The following MCPH1 variants were observed in gnomAD, a reference collection of about 807,000 sequenced individuals.
MCPH1 encodes microcephalin.
A neutral mutation model predicts 84.5 loss-of-function variants in MCPH1; 104 were observed. The observed-to-expected ratio is 1.23, with a 90% confidence interval of 1.05 to 1.45. The LOEUF (loss-of-function observed/expected upper bound fraction) is 1.45. MCPH1 is among the 40% of genes most tolerant of loss of function. The pLI is 0.00. For missense variants in MCPH1, 1,498 were observed against 1,005.7 expected (o/e 1.49, Z -6.62); for synonymous variants, 514 against 366.8 (o/e 1.40, Z -4.58).
rs185735197 is a variant in MCPH1, at chr8:6,604,879, C to T, written c.2215-16575C>T. Reference sequence around the variant, plus strand: ...GTACAATAGAAGCTTTTGAAATTAGCTGGGGGGAAATTGAGTCTCTAAGTA... The same window carrying T: ...GTACAATAGAAGCTTTTGAAATTAGTTGGGGGGAAATTGAGTCTCTAAGTA... On this transcript the variant is annotated intron_variant, in intron 12 of 13. Coordinates refer to ENST00000344683, the MANE Select transcript of MCPH1 (RefSeq NM_024596.5). 2.6e-5 allele frequency among the ~76,000 whole-genome samples: 4 copies of T among 152,306 alleles called. No homozygotes were observed. In the East Asian group the frequency reaches 5.8e-4, roughly 22 times the overall value.
rs36014578 is a variant in MCPH1 at position 6,643,767 on chromosome 8, CTT to C, written c.*719_*720del. On this transcript the variant is annotated 3_prime_UTR_variant, in exon 14 of 14. Coordinates refer to ENST00000344683, the MANE Select transcript of MCPH1 (RefSeq NM_024596.5). ...ACTTTTATCTAGCGGAGATTCCTCTCTTAAAGTAATGAAAGGAGATAGGTATG... is the reference window on the plus strand; with the variant it reads ...ACTTTTATCTAGCGGAGATTCCTCTCAAAGTAATGAAAGGAGATAGGTATG... The C allele has an allele frequency of 0.16, 24,263 of 152,638 alleles. 2,182 individuals carry two copies. Among genetic ancestry groups the C allele is most frequent in the South Asian group, 0.21 (1,031 of 4,838 alleles). 9.5% of individuals were successfully genotyped at this position (152,638 alleles called of 1,614,324 possible).
intron 12 of MCPH1, among the ~76,000 whole-genome samples, chr8:6,619,858 A>T (rs1831228427): frequency 6.6e-6 from 1 of 152,234 alleles, no homozygotes; most frequent in African/African-American, 2.4e-5. Context: ...TGCTGGGATT[A>T]CAGGTGTGAG....
intron 9 of MCPH1, among the ~76,000 whole-genome samples, chr8:6,456,482 G>T (rs1352005415): frequency 6.6e-6 from 1 of 152,196 alleles, no homozygotes; most frequent in Non-Finnish European, 1.5e-5. Context: ...TAAAGAACCA[G>T]TTTCCTTTGC....
In MCPH1 at chr8:6,480,745, A is replaced by G; in HGVS notation, c.2005A>G (p.Lys669Glu). 1 of 1,614,190 alleles carries G rather than the reference A, an allele frequency of 6.2e-7. No homozygotes were observed. The highest frequency in any genetic ancestry group is 8.5e-7 in the Non-Finnish European group (1 of 1,180,036). Residue 669 changes from lysine to glutamate, a missense_variant, in exon 11 of 14, where the codon AAA becomes GAA. Lys to Glu is a moderately conservative substitution (Grantham distance 56). Coordinates refer to ENST00000344683, the MANE Select transcript of MCPH1 (RefSeq NM_024596.5). The stretch of plus-strand genomic sequence containing the variant: ...GAATGTCGTCATCCAGGTTGTGGAT[A>G]AATTGAAAGGCTTTTCAATTGCACC... ...KQNVVIQVVD[K>E]LKGFSIAPDV...
chr8:6,455,359 C>T lies in MCPH1; in HGVS notation c.1935+107C>T, dbSNP rs2515575. The T allele has an allele frequency of 0.98, 811,523 of 824,858 alleles. 400,150 individuals carry two copies. The highest frequency in any genetic ancestry group is 1 in the Non-Finnish European group (498,304 of 498,542). The allele number at this position is 824,858 out of a possible 1,614,324, so 51.1% of individuals were successfully genotyped here. A position where few individuals can be genotyped will look rare whatever the true frequency, so the allele number is the denominator to read the frequency against. On this transcript the variant is annotated intron_variant, in intron 9 of 13. Transcript: ENST00000344683. Reference sequence around the variant, plus strand: ...CAGTCTATCTGACTTGTCTTTTATTCTAAAAAATTGATTATGGGTAAATGC... The same window carrying T: ...CAGTCTATCTGACTTGTCTTTTATTTTAAAAAATTGATTATGGGTAAATGC...
intron 11 of MCPH1, among the ~76,000 whole-genome samples, chr8:6,483,126 G>A (rs905626015): frequency 3.3e-5 from 5 of 152,164 alleles, no homozygotes; most frequent in African/African-American, 1.2e-4. Flanking sequence ...AATAAAATAA[G>A]TGCAGGATCT....
At chr8:6,612,380 G>C (rs964556638) in intron 12 of MCPH1, among the ~76,000 whole-genome samples, 2 of 152,232 alleles carry the variant, frequency 1.3e-5, no homozygotes, top group South Asian at 2.1e-4. Flanking sequence ...GCCCCAGCTG[G>C]AGAGTTGTTC....
chr8:6,433,020 T>C (rs1021048175), intron 4 of MCPH1, among the ~76,000 whole-genome samples: 14 of 152,324 alleles, frequency 9.2e-5, no homozygotes, highest in South Asian at 2.1e-4. Context: ...CACTCACACA[T>C]GCATGCTTGA....
chr8:6,633,538 C>A (rs1797316236), intron 13 of MCPH1, among the ~76,000 whole-genome samples: 1 of 152,118 alleles, frequency 6.6e-6, no homozygotes, highest in African/African-American at 2.4e-5. Context: ...TGGAAAATTC[C>A]ACACCTGACC....
intron 12 of MCPH1, chr8:6,527,663 G>A (rs748520064): frequency 1.9e-6 from 3 of 1,613,574 alleles, no homozygotes; most frequent in African/African-American, 1.3e-5. Context: ...AAGTCTCGTG[G>A]TCTGATTTAA....
At position 6,644,028 on chromosome 8, in the gene MCPH1, A is replaced by T. The variant is rs1157922389; in HGVS notation, c.*979A>T. On this transcript the variant is annotated 3_prime_UTR_variant, in exon 14 of 14. Transcript: ENST00000344683. ...CCCTTTGGGAGGCTGAGGTGGACAGATCACTTGAGGTCAGGAGTTCGAGAC... is the reference window on the plus strand; with the variant it reads ...CCCTTTGGGAGGCTGAGGTGGACAGTTCACTTGAGGTCAGGAGTTCGAGAC... 1.3e-5 allele frequency: 2 copies of T among 152,290 alleles called. No homozygotes were observed. The highest frequency in any genetic ancestry group is 2.9e-5 in the Non-Finnish European group (2 of 68,102). 9.4% of individuals were successfully genotyped at this position (152,290 alleles called of 1,614,324 possible).
intron 11 of MCPH1, among the ~76,000 whole-genome samples, chr8:6,481,810 A>G (rs892787607): frequency 1.3e-5 from 2 of 152,222 alleles, no homozygotes; most frequent in Admixed American, 1.3e-4. Flanking sequence ...ATTATATATT[A>G]GTACTGCTTT....
chr8:6,609,716 G>T (rs542043478), intron 12 of MCPH1, among the ~76,000 whole-genome samples: 1 of 152,124 alleles, frequency 6.6e-6, no homozygotes, highest in South Asian at 2.1e-4. Flanking sequence ...TGTCCCGGGA[G>T]AGTGAGCCAC....
Position 6,497,294 on chromosome 8 carries a change from A to G in MCPH1, c.2137-2558A>G, listed in dbSNP as rs993399393. Among the ~76,000 whole-genome samples the G allele has an allele frequency of 7.2e-5, 11 of 151,726 alleles. 1 individual carries two copies. The highest frequency in any genetic ancestry group is 2.7e-4 in the African/African-American group (11 of 41,318). On this transcript the variant is annotated intron_variant, in intron 11 of 13. Coordinates refer to ENST00000344683, the MANE Select transcript of MCPH1 (RefSeq NM_024596.5). ...TCATGAGTTCGTGACCAGCCTGACC[A>G]ACACTGTGAAACCCCATTCTCTACC...
chr8:6,420,532 TC>T (rs1328226949), intron 3 of MCPH1, among the ~76,000 whole-genome samples: 1 of 152,188 alleles, frequency 6.6e-6, no homozygotes, highest in Non-Finnish European at 1.5e-5. Flanking sequence ...TGCTTTTTTT[TC>T]GGGGAGGGAA....
intron 12 of MCPH1, among the ~76,000 whole-genome samples, chr8:6,522,045 G>A (rs1187820032): frequency 6.6e-6 from 1 of 152,128 alleles, no homozygotes; most frequent in Non-Finnish European, 1.5e-5. Context: ...TTGGTGTGAG[G>A]AACAAATGGG....
intron 8 of MCPH1, among the ~76,000 whole-genome samples, chr8:6,453,977 A>G (rs550482485): frequency 6.6e-6 from 1 of 152,328 alleles, no homozygotes; most frequent in South Asian, 2.1e-4. Flanking sequence ...GCTTGAATTC[A>G]GGAAAGTATT....
At chr8:6,477,546 T>C (rs1222545915) in intron 9 of MCPH1, 48 bp from the exon 10 acceptor site, 1 of 1,548,872 alleles carries the variant, frequency 6.5e-7, no homozygotes, top group Non-Finnish European at 8.9e-7. Context: ...GAAAAATATT[T>C]TTTATGTTTT....
At position 6,500,016 on chromosome 8, in the gene MCPH1, A is replaced by C. The variant is rs546024844; in HGVS notation, c.2214+87A>C. 10 of 1,152,818 alleles carry C rather than the reference A, an allele frequency of 8.7e-6. No homozygotes were observed. The African/African-American group carries it at 1.4e-4, about 16-fold the overall frequency. 71.4% of individuals were successfully genotyped at this position (1,152,818 alleles called of 1,614,324 possible). ...AACATAAGGGTGGACTTAAGTTTTT[A>C]TCCAGTCAAGCACAATTATGCCCAT... On this transcript the variant is annotated intron_variant, in intron 12 of 13. Transcript: ENST00000344683.
Sources: gnomAD v4.1 joint callset for allele counts (sites outside exome capture counted in the v4.1 genomes callset) on GRCh38, gnomAD v4.1.1 for gene constraint, MANE v1.5 for transcripts, NCBI Gene and HGNC (gene_info 2026-07-23, HGNC 2026-07-21) for gene names.